The following CEP83 variants were observed in gnomAD, a reference collection of about 807,000 sequenced individuals.
The protein encoded by CEP83 is centrosomal protein 83.
In CEP83, 70 loss-of-function variants were observed where a neutral mutation model predicts 101.9. That is an observed-to-expected ratio of 0.69 (90% CI 0.57 to 0.84). The LOEUF is 0.84. Ranked by LOEUF, CEP83 falls within the 40% of genes least tolerant of loss-of-function variation. CEP83 has a pLI of 0.00. For missense variants in CEP83, 715 were observed against 787.2 expected, an observed-to-expected ratio of 0.91 and a Z score of 1.10; for synonymous variants, 264 against 267.9, an observed-to-expected ratio of 0.99 and a Z score of 0.14.
In CEP83 at chr12:94,367,845, C is replaced by T. The variant is rs759737051; in HGVS notation, c.1292G>A (p.Arg431Gln). Residue 431 changes from arginine to glutamine, a missense_variant, in exon 11 of 17, where the codon CGG (arginine) becomes CAG (glutamine). Arg to Gln is a conservative substitution (Grantham distance 43). Coordinates refer to ENST00000397809, the MANE Select transcript of CEP83 (RefSeq NM_016122.3). ...SEKDQYEEKL[R>Q]ASQMAEEITR... is the part of the protein sequence containing the mutation. Reference sequence around the variant, plus strand: ...GATCTCTTCTGCCATCTGTGAAGCCCGCAATTTCTCTTCATACTGATCCTT... The same window carrying T: ...GATCTCTTCTGCCATCTGTGAAGCCTGCAATTTCTCTTCATACTGATCCTT... The T allele has an allele frequency of 1.1e-5, 18 of 1,613,298 alleles. No individual in the cohort carries two copies. Among genetic ancestry groups the T allele is most frequent in the East Asian group, 6.7e-5 (3 of 44,838 alleles).
chr12:94,271,552 T>C, the CEP83 span, among the ~76,000 whole-genome samples: 1 of 152,194 alleles, frequency 6.6e-6, no homozygotes, highest in Admixed American at 6.5e-5. Flanking sequence ...TGGAGTCTGA[T>C]AGTCTTGGGT....
At chr12:94,333,764 A>T in intron 12 of CEP83, 125 bp from the exon 13 acceptor site, 1 of 802,620 alleles carries the variant, frequency 1.2e-6, no homozygotes, top group Non-Finnish European at 2.0e-6. Flanking sequence ...GTCCTTGGAG[A>T]TGACCCCTAA....
intron 13 of CEP83, among the ~76,000 whole-genome samples, chr12:94,333,278 T>C (rs572966738): frequency 1.3e-5 from 2 of 152,066 alleles, no homozygotes; most frequent in East Asian, 3.9e-4. Context: ...ATGTCTTAAT[T>C]TTTTTAAAAA....
At chr12:94,445,422 T>G (rs759862556) in intron 1 of CEP83, among the ~76,000 whole-genome samples, 1 of 151,980 alleles carries the variant, frequency 6.6e-6, no homozygotes, top group African/African-American at 2.4e-5. Flanking sequence ...TGATCTTGGG[T>G]TAAGACTTCT....
chr12:94,338,342 C>T (rs780129058), intron 11 of CEP83, among the ~76,000 whole-genome samples: 1 of 152,066 alleles, frequency 6.6e-6, no homozygotes, highest in Non-Finnish European at 1.5e-5. Flanking sequence ...AGGTCATTAA[C>T]TGCAAGAGAT....
chr12:94,376,415 T>C (rs1391066250), intron 7 of CEP83, among the ~76,000 whole-genome samples: 2 of 151,920 alleles, frequency 1.3e-5, no homozygotes, highest in Non-Finnish European at 2.9e-5. Context: ...GGCTCATTGA[T>C]AGTAACAAGT....
intron 6 of CEP83, among the ~76,000 whole-genome samples, chr12:94,392,186 C>G (rs2062588958): frequency 6.6e-6 from 1 of 152,216 alleles, no homozygotes; most frequent in Admixed American, 6.5e-5. Flanking sequence ...ACAGAACATA[C>G]ATTCTTCTCA....
At chr12:94,441,253 A>C (rs189353441) in intron 1 of CEP83, among the ~76,000 whole-genome samples, 7 of 152,350 alleles carry the variant, frequency 4.6e-5, no homozygotes, top group Non-Finnish European at 1.0e-4. Flanking sequence ...AGAGTGGGAG[A>C]AAATATTCAC....
chr12:94,368,645 A>G (rs2061140528), intron 9 of CEP83: 1 of 153,116 alleles, frequency 6.5e-6, no homozygotes, highest in Non-Finnish European at 1.5e-5. Context: ...TCTCTAGCAG[A>G]AGTATAAATA....
At chr12:94,426,365 A>G (rs1368783321) in intron 2 of CEP83, among the ~76,000 whole-genome samples, 1 of 152,136 alleles carries the variant, frequency 6.6e-6, no homozygotes, top group African/African-American at 2.4e-5. Context: ...CAAATAGTTC[A>G]TTATTCTGTG....
intron 2 of CEP83, among the ~76,000 whole-genome samples, chr12:94,418,504 T>C (rs997077135): frequency 6.6e-6 from 1 of 151,902 alleles, no homozygotes; most frequent in Non-Finnish European, 1.5e-5. Flanking sequence ...AGACAGAAAA[T>C]AGACATACAA....
chr12:94,399,312 C>T lies in CEP83; in HGVS notation c.549+1538G>A, dbSNP rs140288265. Among the ~76,000 whole-genome samples, 199 of 152,242 alleles carry T rather than the reference C, an allele frequency of 1.3e-3. 2 individuals carry two copies. In the East Asian group the frequency reaches 0.034, roughly 26 times the overall value. ...CTCTTTGTACTCTTTATTTCTCAGC[C>T]GGCCAACACTTACAGAAAATAGAAA... On this transcript the variant is annotated intron_variant, in intron 6 of 16. Coordinates refer to ENST00000397809, the MANE Select transcript of CEP83 (RefSeq NM_016122.3).
At chr12:94,409,904 A>G (rs1012353960) in intron 4 of CEP83, among the ~76,000 whole-genome samples, 1 of 152,142 alleles carries the variant, frequency 6.6e-6, no homozygotes, top group Admixed American at 6.5e-5. Context: ...TCATACTCCA[A>G]TATGACCTCA....
intron 2 of CEP83, among the ~76,000 whole-genome samples, chr12:94,422,938 T>C (rs1245447067): frequency 6.6e-6 from 1 of 152,086 alleles, no homozygotes; most frequent in Non-Finnish European, 1.5e-5. Context: ...TGGACACATT[T>C]TCAGTTTGGG....
At chr12:94,454,397 T>C (rs1351408705) in intron 1 of CEP83, among the ~76,000 whole-genome samples, 1 of 152,144 alleles carries the variant, frequency 6.6e-6, no homozygotes, top group Non-Finnish European at 1.5e-5. Context: ...TTGGAGAACT[T>C]TTCTGTCTAG....
At chr12:94,401,313 C>T (rs1004804978) in intron 5 of CEP83, 2 of 154,466 alleles carry the variant, frequency 1.3e-5, no homozygotes, top group Non-Finnish European at 2.9e-5. Flanking sequence ...GAATGTAGCA[C>T]ACCTTTCAAA....
chr12:94,411,296 A>G (rs1271783987), intron 4 of CEP83, among the ~76,000 whole-genome samples: 2 of 152,118 alleles, frequency 1.3e-5, no homozygotes, highest in Admixed American at 1.3e-4. Flanking sequence ...CTGTTTTTAC[A>G]GTCTCTTTTA....
the CEP83 span, among the ~76,000 whole-genome samples, chr12:94,288,941 C>A: frequency 6.6e-6 from 1 of 152,108 alleles, no homozygotes; most frequent in Admixed American, 6.6e-5. Flanking sequence ...TAAATTATCA[C>A]AATATTCAGA....
intron 6 of CEP83, among the ~76,000 whole-genome samples, chr12:94,379,283 A>C (rs1018438605): frequency 1.3e-5 from 2 of 152,212 alleles, no homozygotes; most frequent in Admixed American, 1.3e-4. Context: ...AACAGGGCTT[A>C]ATCAGTTGCT....
Sources: allele counts gnomAD v4.1 joint callset (sites outside exome capture counted in the v4.1 genomes callset), GRCh38; gene constraint gnomAD v4.1.1; transcripts MANE v1.5; gene names NCBI Gene and HGNC (gene_info 2026-07-23, HGNC 2026-07-21).